PLCB1: variants seen among roughly 807,000 people sequenced by gnomAD.
PLCB1 encodes the protein phospholipase C beta 1.
PLCB1 carries 46 observed loss-of-function variants against 161.8 expected under a neutral mutation model. The observed-to-expected ratio is 0.28, with a 90% CI of 0.22 to 0.36. The LOEUF is 0.36. Ranked by LOEUF, PLCB1 falls within the 10% of genes least tolerant of loss-of-function variation. PLCB1 has a pLI of 1.00. For synonymous variants in PLCB1, 517 were observed against 503.7 expected (o/e 1.03, Z -0.35); for missense variants, 1,016 against 1,472.5 (o/e 0.69, Z 5.07).
In PLCB1 at chr20:8,385,807, G is replaced by T. The variant is rs961937493; in HGVS notation, c.246+14357G>T. Among the ~76,000 whole-genome samples the T allele has an allele frequency of 2.6e-5, 4 of 152,242 alleles. 1 individual carries two copies. The highest frequency in any genetic ancestry group is 2.6e-4 in the Admixed American group (4 of 15,294). ...CTCAGGTGGACCACCACACCACACTGCTCTTCCTTCCTCTCCATGGATCAT... is the reference window on the plus strand; with the variant it reads ...CTCAGGTGGACCACCACACCACACTTCTCTTCCTTCCTCTCCATGGATCAT... On this transcript the variant is annotated intron_variant, in intron 3 of 31. Coordinates refer to ENST00000338037, the MANE Select transcript of PLCB1 (RefSeq NM_015192.4).
intron 31 of PLCB1, among the ~76,000 whole-genome samples, chr20:8,839,378 G>A (rs1400607948): frequency 6.6e-6 from 1 of 152,138 alleles, no homozygotes; most frequent in East Asian, 1.9e-4. Flanking sequence ...CATTTATTTA[G>A]TGACCCAAGA....
At chr20:8,262,918 A>G (rs112931864) in intron 2 of PLCB1, among the ~76,000 whole-genome samples, 7 of 152,206 alleles carry the variant, frequency 4.6e-5, no homozygotes, top group Non-Finnish European at 8.8e-5. Context: ...CTCTAACTCC[A>G]TCATGAGGGT....
chr20:8,502,619 G>A (rs960458962), intron 3 of PLCB1, among the ~76,000 whole-genome samples: 4 of 151,928 alleles, frequency 2.6e-5, no homozygotes, highest in African/African-American at 4.8e-5. Context: ...AAAATTTTCG[G>A]TTTGCTGATT....
At chr20:8,433,961 A>G (rs894442153) in intron 3 of PLCB1, among the ~76,000 whole-genome samples, 2 of 99,826 alleles carry the variant, frequency 2.0e-5, no homozygotes, top group Non-Finnish European at 4.7e-5. Flanking sequence ...TCAACCCATT[A>G]TGTGTTTGTT....
At chr20:8,707,296 A>G (rs1385766786) in intron 11 of PLCB1, among the ~76,000 whole-genome samples, 1 of 152,146 alleles carries the variant, frequency 6.6e-6, no homozygotes, top group Non-Finnish European at 1.5e-5. Context: ...TATATATTGA[A>G]TGGGGAAGGT....
intron 2 of PLCB1, among the ~76,000 whole-genome samples, chr20:8,288,059 A>G (rs1983207193): frequency 6.6e-6 from 1 of 152,182 alleles, no homozygotes; most frequent in South Asian, 2.1e-4. Context: ...GTAACTGTCT[A>G]TTATATTTCT....
intron 3 of PLCB1, among the ~76,000 whole-genome samples, chr20:8,605,098 A>G (rs1361429461): frequency 2.6e-5 from 4 of 152,124 alleles, no homozygotes; most frequent in African/African-American, 9.7e-5. Context: ...ATACATTACT[A>G]TATAGAATAC....
chr20:8,196,984 C>T (rs1030495526), intron 2 of PLCB1, among the ~76,000 whole-genome samples: 2 of 152,108 alleles, frequency 1.3e-5, no homozygotes, highest in Non-Finnish European at 2.9e-5. Context: ...CATGTCCCTA[C>T]AAAGGACATG....
intron 2 of PLCB1, among the ~76,000 whole-genome samples, chr20:8,198,312 T>G (rs1360573608): frequency 2.0e-5 from 3 of 152,210 alleles, no homozygotes; most frequent in African/African-American, 7.2e-5. Flanking sequence ...TTCTTCCATT[T>G]GTTTGTGTCC....
intron 2 of PLCB1, among the ~76,000 whole-genome samples, chr20:8,348,455 G>A (rs1176955517): frequency 2.0e-5 from 3 of 152,158 alleles, no homozygotes; most frequent in Non-Finnish European, 4.4e-5. Context: ...TTTCTTAAAG[G>A]TGGGGACATG....
At chr20:8,831,950 C>G (rs367951901) in intron 31 of PLCB1, among the ~76,000 whole-genome samples, 75 of 91,446 alleles carry the variant, frequency 8.2e-4, no homozygotes, top group South Asian at 3.2e-3. Context: ...TTCTTTCTTT[C>G]TTTCTTTCTT....
intron 3 of PLCB1, among the ~76,000 whole-genome samples, chr20:8,483,169 C>A (rs1982578453): frequency 6.6e-6 from 1 of 152,092 alleles, no homozygotes; most frequent in Non-Finnish European, 1.5e-5. Flanking sequence ...TAAATAAAAA[C>A]ATATTCTCTC....
intron 2 of PLCB1, among the ~76,000 whole-genome samples, chr20:8,355,684 A>G (rs772111370): frequency 2.0e-5 from 3 of 152,162 alleles, no homozygotes; most frequent in Non-Finnish European, 4.4e-5. Context: ...CTTTGCCTTA[A>G]GCTCTGTGCG....
chr20:8,521,131 G>T (rs1984331320), intron 3 of PLCB1, among the ~76,000 whole-genome samples: 2 of 152,120 alleles, frequency 1.3e-5, no homozygotes, highest in Admixed American at 6.6e-5. Context: ...ATTTATTGAG[G>T]CTGTTCCCTT....
chr20:8,468,445 T>G lies in PLCB1; in HGVS notation c.246+96995T>G, dbSNP rs1375979315. Among the ~76,000 whole-genome samples, 3 of 152,190 alleles carry G rather than the reference T, an allele frequency of 2.0e-5. No individual in the cohort carries two copies. In the East Asian group the frequency reaches 5.8e-4, roughly 29 times the overall value. ...GATTACAATCAACATCTGAATGATT[T>G]TGGAAACTAAGTTTCCTCATCTGTA... On this transcript the variant is annotated intron_variant, in intron 3 of 31. Transcript: ENST00000338037.
intron 2 of PLCB1, among the ~76,000 whole-genome samples, chr20:8,281,509 T>G (rs1386211661): frequency 2.0e-5 from 3 of 152,082 alleles, no homozygotes; most frequent in Non-Finnish European, 2.9e-5. Flanking sequence ...TGAGACTCAT[T>G]TTTACCAATA....
chr20:8,647,730 G>A (rs138229384), intron 5 of PLCB1, among the ~76,000 whole-genome samples, 170 bp from the exon 6 acceptor site: 1 of 152,302 alleles, frequency 6.6e-6, no homozygotes, highest in East Asian at 1.9e-4. Context: ...TGCTGCTAAA[G>A]TGACAATGTT....
At chr20:8,278,615 A>G (rs946360747) in intron 2 of PLCB1, among the ~76,000 whole-genome samples, 4 of 152,044 alleles carry the variant, frequency 2.6e-5, no homozygotes, top group Admixed American at 1.3e-4. Context: ...ATCATGAATA[A>G]TAATGCAAAT....
intron 11 of PLCB1, among the ~76,000 whole-genome samples, chr20:8,705,389 A>AT (rs1229214586): frequency 6.6e-6 from 1 of 152,202 alleles, no homozygotes; most frequent in Non-Finnish European, 1.5e-5. Flanking sequence ...ATTTGAAAGT[A>AT]TTTCCTGAGC....
Sources: allele counts gnomAD v4.1 joint callset (sites outside exome capture counted in the v4.1 genomes callset), GRCh38; gene constraint gnomAD v4.1.1; transcripts MANE v1.5; gene names NCBI Gene and HGNC (gene_info 2026-07-23, HGNC 2026-07-21).